MAPK10: variants seen among roughly 807,000 people sequenced by gnomAD.
The protein encoded by MAPK10 is JNK3 alpha protein kinase.
MAPK10 carries 25 observed loss-of-function variants against 59.3 expected under a neutral mutation model. That is an observed-to-expected ratio of 0.42 (90% CI 0.31 to 0.59). The LOEUF is 0.59. Among genes scored for constraint, MAPK10 ranks in the 20% least tolerant of loss-of-function variants. MAPK10 has a pLI of 0.15. For synonymous variants in MAPK10, 190 were observed against 200.5 expected (o/e 0.95, Z 0.44); for missense variants, 351 against 568.9 (o/e 0.62, Z 3.90).
intron 13 of MAPK10, among the ~76,000 whole-genome samples, chr4:86,021,305 A>G (rs1352485645): frequency 6.6e-6 from 1 of 150,466 alleles, no homozygotes; most frequent in African/African-American, 2.5e-5. Context: ...CAGAGTGTCG[A>G]TTGGTGCACT....
intron 1 of MAPK10, among the ~76,000 whole-genome samples, chr4:86,518,451 G>A (rs557362709): frequency 3.9e-5 from 6 of 152,126 alleles, no homozygotes; most frequent in Non-Finnish European, 8.8e-5. Context: ...CTGTGGTATC[G>A]GTTGTAATAT....
chr4:86,342,614 G>C (rs1338460545), intron 2 of MAPK10, among the ~76,000 whole-genome samples: 1 of 152,164 alleles, frequency 6.6e-6, no homozygotes, highest in Non-Finnish European at 1.5e-5. Context: ...TTTACATATG[G>C]AGAAACCAAA....
chr4:86,499,457 T>C (rs1259060597), intron 1 of MAPK10, among the ~76,000 whole-genome samples: 2 of 152,178 alleles, frequency 1.3e-5, no homozygotes, highest in African/African-American at 4.8e-5. Context: ...GTTCGGTTAT[T>C]TTCTTGCCAG....
At chr4:86,311,702 T>C (rs2095672363) in intron 2 of MAPK10, among the ~76,000 whole-genome samples, 1 of 152,086 alleles carries the variant, frequency 6.6e-6, no homozygotes, top group African/African-American at 2.4e-5. Context: ...AAGCCCTCTG[T>C]CACATGCCTC....
At chr4:86,532,321 G>A (rs1280732602) in intron 1 of MAPK10, among the ~76,000 whole-genome samples, 1 of 152,102 alleles carries the variant, frequency 6.6e-6, no homozygotes, top group Non-Finnish European at 1.5e-5. Context: ...GGCAAGAAGT[G>A]CTAACTATTC....
intron 1 of MAPK10, among the ~76,000 whole-genome samples, chr4:86,525,783 T>C (rs72665733): frequency 0.021 from 3,122 of 152,270 alleles, 38 homozygotes; most frequent in Middle Eastern, 0.048. Flanking sequence ...AAACAAAATA[T>C]AGGGAATAAG....
intron 1 of MAPK10, among the ~76,000 whole-genome samples, chr4:86,561,104 G>A (rs1760643600): frequency 1.3e-5 from 2 of 152,184 alleles, no homozygotes; most frequent in South Asian, 4.1e-4. Flanking sequence ...TTCTCCTAAG[G>A]AGTGTACAAC....
chr4:86,555,085 A>T (rs1481146703), intron 1 of MAPK10, among the ~76,000 whole-genome samples: 1 of 152,196 alleles, frequency 6.6e-6, no homozygotes, highest in African/African-American at 2.4e-5. Context: ...ACTGGACAAT[A>T]GTGCTTATTT....
intron 2 of MAPK10, among the ~76,000 whole-genome samples, chr4:86,340,811 G>A (rs1436952111): frequency 6.6e-6 from 1 of 151,982 alleles, no homozygotes; most frequent in Non-Finnish European, 1.5e-5. Flanking sequence ...GTGACTAAGA[G>A]AAAGACTCAA....
At chr4:86,525,213 C>A (rs886930859) in intron 1 of MAPK10, among the ~76,000 whole-genome samples, 5 of 152,244 alleles carry the variant, frequency 3.3e-5, no homozygotes, top group East Asian at 3.9e-4. Context: ...GGGAGGGTGG[C>A]TGGAGCCCTG....
chr4:86,107,955 C>T (rs1028109159), intron 4 of MAPK10, among the ~76,000 whole-genome samples: 4 of 152,106 alleles, frequency 2.6e-5, no homozygotes, highest in African/African-American at 9.7e-5. Context: ...GCCTCAGTCT[C>T]TTTAGTAGCT....
At chr4:86,386,500 C>T (rs560902138) in intron 1 of MAPK10, among the ~76,000 whole-genome samples, 15 of 152,228 alleles carry the variant, frequency 9.9e-5, no homozygotes, top group Admixed American at 8.5e-4. Context: ...CATTGGTTCG[C>T]TTGGGTCTCT....
chr4:86,151,210 G>C (rs1002885488), intron 4 of MAPK10, among the ~76,000 whole-genome samples: 1 of 152,154 alleles, frequency 6.6e-6, no homozygotes, highest in Non-Finnish European at 1.5e-5. Flanking sequence ...GGAGATTGAA[G>C]GGGAAATTGA....
intron 10 of MAPK10, among the ~76,000 whole-genome samples, chr4:86,066,891 C>A (rs935569577): frequency 4.0e-5 from 6 of 151,574 alleles, no homozygotes; most frequent in African/African-American, 1.5e-4. Flanking sequence ...GAAAATGTTT[C>A]AATGCTTTAT....
At position 86,389,855 on chromosome 4, in the gene MAPK10, G is replaced by T. The variant is rs554766868; in HGVS notation, c.-121-35211C>A. 3.9e-5 allele frequency among the ~76,000 whole-genome samples: 6 copies of T among 152,252 alleles called. No individual in the cohort carries two copies. The South Asian group carries it at 1.0e-3, about 26-fold the overall frequency. ...AAAAGCAGTATCACTTGTGGGATTTGAATTGCTAATATTTCAAACAGATGA... is the reference window on the plus strand; with the variant it reads ...AAAAGCAGTATCACTTGTGGGATTTTAATTGCTAATATTTCAAACAGATGA... On this transcript the variant is annotated intron_variant, in intron 1 of 13. Transcript: ENST00000361569.
At chr4:86,337,756 G>A (rs979510051) in intron 2 of MAPK10, among the ~76,000 whole-genome samples, 3 of 152,172 alleles carry the variant, frequency 2.0e-5, no homozygotes, top group Non-Finnish European at 2.9e-5. Context: ...CAGATGTGCT[G>A]AGGCCAACTG....
chr4:86,571,538 C>T (rs1386627859), intron 1 of MAPK10, among the ~76,000 whole-genome samples: 2 of 151,912 alleles, frequency 1.3e-5, no homozygotes, highest in Non-Finnish European at 2.9e-5. Context: ...AACCGGAAAG[C>T]ATATGATCAA....
At chr4:86,540,446 G>A (rs994564642) in intron 1 of MAPK10, among the ~76,000 whole-genome samples, 1 of 152,190 alleles carries the variant, frequency 6.6e-6, no homozygotes, top group Non-Finnish European at 1.5e-5. Context: ...GTTGCAGTGA[G>A]CCGGGATCAC....
chr4:86,434,921 A>G (rs1748510648), intron 1 of MAPK10, among the ~76,000 whole-genome samples: 1 of 152,264 alleles, frequency 6.6e-6, no homozygotes. Flanking sequence ...GTGGATAAAT[A>G]AAATATGATC....
Sources: gnomAD v4.1 joint callset for allele counts (sites outside exome capture counted in the v4.1 genomes callset) on GRCh38, gnomAD v4.1.1 for gene constraint, MANE v1.5 for transcripts, NCBI Gene and HGNC (gene_info 2026-07-23, HGNC 2026-07-21) for gene names.